Variants in ZNF326 observed in about 807,000 individuals in gnomAD.
ZNF326 encodes the protein zinc finger protein 326, also known as DBIRD complex subunit ZNF326.
A neutral mutation model predicts 63.1 loss-of-function variants in ZNF326; 30 were observed. The ratio of observed to expected loss-of-function variants is 0.48; its 90% CI spans 0.36 to 0.64. The LOEUF is 0.64. ZNF326 is among the 30% of genes least tolerant of loss of function. The probability of loss-of-function intolerance (pLI) is 0.00; values close to 1 mark genes in which losing one functional copy is unlikely to be tolerated. For missense variants in ZNF326, 609 were observed against 720.3 expected, an observed-to-expected ratio of 0.85 and a Z score of 1.77; for synonymous variants, 194 against 228.2, an observed-to-expected ratio of 0.85 and a Z score of 1.35.
chr1:90,006,411 G>A (rs1241185991), intron 4 of ZNF326: 2 of 985,172 alleles, frequency 2.0e-6, no homozygotes, highest in Admixed American at 6.2e-5. Context: ...ATGTGTAATT[G>A]TGGGCCTTTA....
At chr1:90,000,788 A>C (rs975022317) in intron 2 of ZNF326, among the ~76,000 whole-genome samples, 1 of 152,190 alleles carries the variant, frequency 6.6e-6, no homozygotes, top group Non-Finnish European at 1.5e-5. Flanking sequence ...AAGCATTGAA[A>C]ATCAAAGATA....
chr1:90,026,303 G>A (rs1650013839), intron 11 of ZNF326, among the ~76,000 whole-genome samples: 2 of 152,198 alleles, frequency 1.3e-5, no homozygotes, highest in Admixed American at 1.3e-4. Flanking sequence ...CATCTTCATA[G>A]GGTTTTTATT....
intron 2 of ZNF326, among the ~76,000 whole-genome samples, chr1:89,999,429 AAAC>A (rs1349665302): frequency 6.6e-6 from 1 of 152,228 alleles, no homozygotes; most frequent in African/African-American, 2.4e-5. Context: ...TTTAATGTCT[AAAC>A]ATAGGACTTG....
chr1:90,018,031 C>A (rs928438526), intron 8 of ZNF326, among the ~76,000 whole-genome samples: 2 of 152,158 alleles, frequency 1.3e-5, no homozygotes, highest in African/African-American at 4.8e-5. Flanking sequence ...CAGTGGCTCA[C>A]GCCTGTAATC....
At chr1:89,995,296 C>G (rs1397357694) in intron 1 of ZNF326, 23 bp downstream of exon 1, 5 of 1,545,150 alleles carry the variant, frequency 3.2e-6, no homozygotes, top group Non-Finnish European at 4.4e-6. Flanking sequence ...TCTGGCTGGT[C>G]GGCGCAGCTG....
chr1:90,002,919 A>G (rs1648757672), intron 2 of ZNF326, among the ~76,000 whole-genome samples: 1 of 152,140 alleles, frequency 6.6e-6, no homozygotes, highest in Non-Finnish European at 1.5e-5. Context: ...CCAAATATTG[A>G]TCAGTTTTAT....
At position 90,035,452 on chromosome 1, in the gene ZNF326, G is replaced by T. The variant is rs1216563107; in HGVS notation, c.*7751G>T. On this transcript the variant is annotated 3_prime_UTR_variant, in exon 12 of 12. Coordinates refer to ENST00000340281, the MANE Select transcript of ZNF326 (RefSeq NM_182976.4). ...AAACTTGGAACTGTATACTGTCTAA[G>T]AATAAACAATGGGAAAAATGCAAAA... is the stretch of plus-strand genomic sequence containing the variant. 1 of 152,082 alleles carries T rather than the reference G, an allele frequency of 6.6e-6. No individual in the cohort carries two copies. The highest frequency in any genetic ancestry group is 6.6e-5 in the Admixed American group (1 of 15,256). 9.4% of individuals were successfully genotyped at this position (152,082 alleles called of 1,614,324 possible). A position where few individuals can be genotyped will look rare whatever the true frequency, so the allele number is the denominator to read the frequency against.
In ZNF326 at chr1:89,998,123, C is replaced by T. The variant is rs367589249; in HGVS notation, c.30C>T (p.Ser10=). 2.5e-6 allele frequency: 4 copies of T among 1,612,796 alleles called. No homozygotes were observed. The highest frequency in any genetic ancestry group is 2.2e-5 in the East Asian group (1 of 44,816). MDFEDDYTH[S]ACRNTYQGFN... Reference sequence around the variant, plus strand: ...GTGTCTTCATAGATTACACACACTCCGCCTGCAGGAATACTTATCAGGGCT... The same window carrying T: ...GTGTCTTCATAGATTACACACACTCTGCCTGCAGGAATACTTATCAGGGCT... Residue 10 remains serine, a synonymous_variant, in exon 2 of 12, where the codon TCC becomes TCT. Transcript: ENST00000340281.
intron 4 of ZNF326, chr1:90,006,462 A>G (rs1460845344): frequency 2.0e-6 from 2 of 985,262 alleles, no homozygotes; most frequent in Non-Finnish European, 2.4e-6. Context: ...TTTGTAATCC[A>G]TGCTTTGGGT....
chr1:90,034,534 A>G lies in ZNF326; in HGVS notation c.*6833A>G, dbSNP rs1054147140. The G allele has an allele frequency of 2.0e-5, 3 of 152,078 alleles. No homozygotes were observed. The highest frequency in any genetic ancestry group is 4.4e-5 in the Non-Finnish European group (3 of 67,952). 9.4% of individuals were successfully genotyped at this position (152,078 alleles called of 1,614,324 possible). On this transcript the variant is annotated 3_prime_UTR_variant, in exon 12 of 12. Transcript: ENST00000340281. The stretch of plus-strand genomic sequence containing the variant: ...ATGACCATGAAGCAAAAACCACAAT[A>G]TTTTTTTGTTTGTTGATAGGTAGGA...
chr1:90,022,741 A>G (rs1029704260), intron 11 of ZNF326, among the ~76,000 whole-genome samples: 2 of 152,190 alleles, frequency 1.3e-5, no homozygotes, highest in African/African-American at 4.8e-5. Context: ...GCCCAGATGG[A>G]CAGCAACAGG....
intron 2 of ZNF326, among the ~76,000 whole-genome samples, chr1:90,004,228 A>G (rs1648845930): frequency 6.6e-6 from 1 of 151,394 alleles, no homozygotes; most frequent in Non-Finnish European, 1.5e-5. Context: ...ATTTGCATTC[A>G]TTTGTTGAGT....
intron 1 of ZNF326, among the ~76,000 whole-genome samples, chr1:89,995,767 A>G (rs1570928655): frequency 6.6e-6 from 1 of 152,244 alleles, no homozygotes; most frequent in South Asian, 2.1e-4. Context: ...GTCCCGGTTT[A>G]AGATGAGTTG....
intron 4 of ZNF326, chr1:90,006,146 G>T (rs1648974214): frequency 1.0e-6 from 1 of 985,230 alleles, no homozygotes; most frequent in Admixed American, 6.1e-5. Flanking sequence ...GTACCACTAT[G>T]GTTTATAGTA....
At chr1:90,013,381 G>T (rs1264936402) in intron 7 of ZNF326, 144 bp downstream of exon 7, 2 of 617,174 alleles carry the variant, frequency 3.2e-6, no homozygotes, top group Middle Eastern at 4.1e-4. Context: ...TTTGGTTTTT[G>T]ATATTTATAT....
In ZNF326 at chr1:90,007,401, A is replaced by G. The variant is rs1649036187; in HGVS notation, c.266A>G (p.Tyr89Cys). 1.2e-6 allele frequency: 2 copies of G among 1,613,874 alleles called. No homozygotes were observed. The highest frequency in any genetic ancestry group is 1.3e-5 in the African/African-American group (1 of 74,864). The change falls in exon 5 of 12, where the codon TAC (tyrosine) becomes TGC (cysteine). Residue 89 changes from tyrosine to cysteine, a missense_variant. Around this residue, in one of 3 missense-constraint regions of ZNF326, gnomAD observed 113 missense variants for 187.4 expected, o/e 0.60. Coordinates refer to ENST00000340281, the MANE Select transcript of ZNF326 (RefSeq NM_182976.4). The surrounding 1 kb of genome is among the most constrained non-coding windows in gnomAD (Gnocchi z 4.9). ...SRSSLGGRDLYRSGYGFNEPE... is the reference protein window; with the variant it reads ...SRSSLGGRDLCRSGYGFNEPE... ...TCTTCTCTGGGTGGGCGAGATCTGT[A>G]CAGATCTGGCTATGGTTTTAATGAA...
chr1:90,018,799 C>T lies in ZNF326; in HGVS notation c.1174+15C>T. On this transcript the variant is annotated intron_variant, in intron 9 of 11. Transcript: ENST00000340281. ...TGTTATGGAAGGTAAGTATTTAAAA[C>T]AAATTATTTTAAAATTCTACATGTA... 7.0e-7 allele frequency: 1 copy of T among 1,419,046 alleles called. No homozygotes were observed. The highest frequency in any genetic ancestry group is 9.7e-7 in the Non-Finnish European group (1 of 1,033,834). The allele number at this position is 1,419,046 out of a possible 1,614,324, so 87.9% of individuals were successfully genotyped here. A position where few individuals can be genotyped will look rare whatever the true frequency, so the allele number is the denominator to read the frequency against.
chr1:90,023,831 A>G (rs1570321039), intron 11 of ZNF326, among the ~76,000 whole-genome samples: 1 of 152,170 alleles, frequency 6.6e-6, no homozygotes, highest in East Asian at 1.9e-4. Context: ...GCTCATGCAC[A>G]TGTTGTAGAG....
intron 10 of ZNF326, among the ~76,000 whole-genome samples, 153 bp downstream of exon 10, chr1:90,021,075 TG>T (rs1649747400): frequency 6.6e-6 from 1 of 152,130 alleles, no homozygotes; most frequent in Non-Finnish European, 1.5e-5. Flanking sequence ...CAGTATATAG[TG>T]GTTAAGACTG....
Sources: allele counts gnomAD v4.1 joint callset (sites outside exome capture counted in the v4.1 genomes callset), GRCh38; gene constraint gnomAD v4.1.1; regional missense constraint gnomAD v4.1.1; non-coding constraint Gnocchi (gnomAD v3.1); transcripts MANE v1.5; gene names NCBI Gene and HGNC (gene_info 2026-07-23, HGNC 2026-07-21).